SNX18: variants seen among roughly 807,000 people sequenced by gnomAD.
SNX18 encodes sorting nexin-18.
Under a neutral mutation model 48.7 loss-of-function variants are expected in SNX18, and 35 were observed. That is an observed-to-expected ratio of 0.72 (90% CI 0.55 to 0.95). The LOEUF (loss-of-function observed/expected upper bound fraction) is 0.95, where lower values mean the gene tolerates loss of function less well. Among genes scored for constraint, SNX18 ranks in the 40% least tolerant of loss-of-function variants. The probability of loss-of-function intolerance (pLI) is 0.00; values close to 1 mark genes in which losing one functional copy is unlikely to be tolerated. For synonymous variants in SNX18, 492 were observed against 384.7 expected (o/e 1.28, Z -3.26); for missense variants, 824 against 871.0 (o/e 0.95, Z 0.68).
the SNX18 span, among the ~76,000 whole-genome samples, chr5:54,594,792 A>C: frequency 2.0e-5 from 3 of 152,144 alleles, no homozygotes; most frequent in African/African-American, 4.8e-5. Context: ...TAGTGAGCAT[A>C]ATACTCAATA....
chr5:54,579,324 G>C, the SNX18 span, among the ~76,000 whole-genome samples: 4 of 138,774 alleles, frequency 2.9e-5, no homozygotes, highest in African/African-American at 1.1e-4. Context: ...GCCTGGGTGA[G>C]AGAGCCAGAC....
intron 1 of SNX18, among the ~76,000 whole-genome samples, chr5:54,538,382 G>A (rs955849026): frequency 6.6e-5 from 10 of 152,178 alleles, no homozygotes; most frequent in Admixed American, 6.5e-5. Context: ...TAGTCCCCAA[G>A]TGTTAAACAC....
the SNX18 span, among the ~76,000 whole-genome samples, chr5:54,595,384 C>T: frequency 7.2e-5 from 11 of 152,146 alleles, no homozygotes; most frequent in South Asian, 4.2e-4. Flanking sequence ...TACAGGCACG[C>T]GCCACCATGC....
At chr5:54,561,665 T>C in the SNX18 span, among the ~76,000 whole-genome samples, 4 of 152,170 alleles carry the variant, frequency 2.6e-5, no homozygotes, top group Admixed American at 6.6e-5. Flanking sequence ...TCATAAATGC[T>C]CCTCTTCATC....
the SNX18 span, among the ~76,000 whole-genome samples, chr5:54,564,014 C>T: frequency 6.6e-6 from 1 of 152,146 alleles, no homozygotes; most frequent in Non-Finnish European, 1.5e-5. Flanking sequence ...AGCACGGTGG[C>T]TCATGCCTGT....
Position 54,519,005 on chromosome 5 carries a change from G to A in SNX18, c.1053G>A (p.Lys351=), listed in dbSNP as rs1328926526. The change falls in exon 1 of 2, where the codon AAG becomes AAA. Residue 351 remains lysine, a synonymous_variant. Coordinates refer to ENST00000381410, the MANE Select transcript of SNX18 (RefSeq NM_001102575.2). ...TGRFEEDFIS[K]RRKGLIWWMN... The stretch of plus-strand genomic sequence containing the variant: ...GCTTCGAGGAGGACTTCATCTCTAA[G>A]CGCAGGAAGGGCCTGATCTGGTGGA... 1 of 1,613,586 alleles carries A rather than the reference G, an allele frequency of 6.2e-7. No homozygotes were observed. Among genetic ancestry groups the A allele is most frequent in the Non-Finnish European group, 8.5e-7 (1 of 1,179,838 alleles).
At chr5:54,563,197 T>C in the SNX18 span, among the ~76,000 whole-genome samples, 134 of 152,126 alleles carry the variant, frequency 8.8e-4, 1 homozygote, top group Non-Finnish European at 1.6e-3. Flanking sequence ...TTAAAATAAG[T>C]TTAGTGTAGT....
In SNX18 at chr5:54,519,038, C is replaced by T; in HGVS notation, c.1086C>T (p.His362=). 6.2e-7 allele frequency: 1 copy of T among 1,613,466 alleles called. No homozygotes were observed. Among genetic ancestry groups the T allele is most frequent in the Non-Finnish European group, 8.5e-7 (1 of 1,179,692 alleles). The part of the protein sequence containing the change: ...RRKGLIWWMN[H]MASHPVLAQC... ...AGGGCCTGATCTGGTGGATGAACCA[C>T]ATGGCCAGCCACCCAGTGCTGGCGC... Residue 362 remains histidine, a synonymous_variant, in exon 1 of 2, where the codon CAC becomes CAT. Transcript: ENST00000381410.
the SNX18 span, among the ~76,000 whole-genome samples, chr5:54,560,343 G>A: frequency 6.6e-6 from 1 of 152,132 alleles, no homozygotes; most frequent in Non-Finnish European, 1.5e-5. Flanking sequence ...TGGAGCTGGA[G>A]GCCATTATCC....
At chr5:54,554,309 C>T in the SNX18 span, among the ~76,000 whole-genome samples, 1 of 152,164 alleles carries the variant, frequency 6.6e-6, no homozygotes, top group South Asian at 2.1e-4. Flanking sequence ...AGTGCCTGGA[C>T]CCCACTTTAG....
chr5:54,644,030 C>T, the SNX18 span: 1 of 152,252 alleles, frequency 6.6e-6, no homozygotes, highest in African/African-American at 2.4e-5. Flanking sequence ...CAGCACATCT[C>T]TTTGGACTCA....
the SNX18 span, among the ~76,000 whole-genome samples, chr5:54,636,871 G>GATTCA: frequency 5.9e-5 from 9 of 152,192 alleles, no homozygotes; most frequent in African/African-American, 2.2e-4. Context: ...ACTTTACAGT[G>GATTCA]AAAGTGGATG....
At chr5:54,594,781 G>C in the SNX18 span, among the ~76,000 whole-genome samples, 1 of 152,260 alleles carries the variant, frequency 6.6e-6, no homozygotes, top group East Asian at 1.9e-4. Context: ...TATCACCCAG[G>C]TAGTGAGCAT....
chr5:54,551,655 G>A, the SNX18 span, among the ~76,000 whole-genome samples: 18 of 152,268 alleles, frequency 1.2e-4, no homozygotes, highest in East Asian at 2.9e-3. Flanking sequence ...CACATAAAGC[G>A]GCAGAGCTGG....
the SNX18 span, among the ~76,000 whole-genome samples, chr5:54,582,934 G>T: frequency 6.6e-6 from 1 of 152,148 alleles, no homozygotes; most frequent in Non-Finnish European, 1.5e-5. Context: ...TTGGGTGTTT[G>T]GTTTAGGTTG....
At chr5:54,617,329 T>C in the SNX18 span, among the ~76,000 whole-genome samples, 71 of 152,342 alleles carry the variant, frequency 4.7e-4, 1 homozygote, top group African/African-American at 1.6e-3. Context: ...TGTCCACTAG[T>C]AGTTCTTATA....
rs987359373 is a variant in SNX18, at chr5:54,543,619, A to G, written c.*187A>G. On this transcript the variant is annotated 3_prime_UTR_variant, in exon 2 of 2. Transcript: ENST00000381410. ...CAGTTAATATGGTTATATAATAGAA[A>G]CAGTACCACACATTGTAACTAAATT... The G allele has an allele frequency of 6.4e-6, 4 of 621,922 alleles. No homozygotes were observed. The highest frequency in any genetic ancestry group is 2.1e-5 in the South Asian group (1 of 46,880). 38.5% of individuals were successfully genotyped at this position (621,922 alleles called of 1,614,324 possible). A position where few individuals can be genotyped will look rare whatever the true frequency, so the allele number is the denominator to read the frequency against.
At chr5:54,630,158 G>A in the SNX18 span, among the ~76,000 whole-genome samples, 1 of 152,140 alleles carries the variant, frequency 6.6e-6, no homozygotes, top group Non-Finnish European at 1.5e-5. Flanking sequence ...TGACAAATGT[G>A]CCCCAGCTCT....
At chr5:54,590,797 G>A in the SNX18 span, among the ~76,000 whole-genome samples, 339 of 152,214 alleles carry the variant, frequency 2.2e-3, 2 homozygotes, top group African/African-American at 5.9e-3. Flanking sequence ...TGTGTAATCC[G>A]TTGCTTGCTT....
Sources: gnomAD v4.1 joint callset for allele counts (sites outside exome capture counted in the v4.1 genomes callset) on GRCh38, gnomAD v4.1.1 for gene constraint, MANE v1.5 for transcripts, NCBI Gene and HGNC (gene_info 2026-07-23, HGNC 2026-07-21) for gene names.